The following PAQR5 variants were observed in gnomAD, a reference collection of about 807,000 sequenced individuals.
The protein encoded by PAQR5 is membrane progestin receptor gamma.
Under a neutral mutation model 34.5 loss-of-function variants are expected in PAQR5, and 20 were observed. The ratio of observed to expected loss-of-function variants is 0.58; its 90% confidence interval spans 0.41 to 0.84. The LOEUF (loss-of-function observed/expected upper bound fraction) is 0.84. Ranked by LOEUF, PAQR5 falls within the 40% of genes least tolerant of loss-of-function variation. PAQR5 has a pLI of 0.00. For synonymous variants in PAQR5, 131 were observed against 155.6 expected (o/e 0.84, Z 1.18); for missense variants, 378 against 412.7 (o/e 0.92, Z 0.73).
intron 1 of PAQR5, among the ~76,000 whole-genome samples, chr15:69,324,057 T>A (rs1205077951): frequency 2.0e-5 from 3 of 149,378 alleles, no homozygotes; most frequent in Non-Finnish European, 4.4e-5. Flanking sequence ...TGCTAGGGAA[T>A]ATCATTCAGC....
At chr15:69,336,309 C>T (rs2054514853) in intron 1 of PAQR5, among the ~76,000 whole-genome samples, 1 of 152,064 alleles carries the variant, frequency 6.6e-6, no homozygotes, top group Non-Finnish European at 1.5e-5. Context: ...ATATCAGGTC[C>T]TCTAAAGTCC....
intron 6 of PAQR5, among the ~76,000 whole-genome samples, chr15:69,393,506 C>T (rs930566429): frequency 6.8e-6 from 1 of 148,038 alleles, no homozygotes; most frequent in South Asian, 2.2e-4. Context: ...GAGACAATAC[C>T]CTCTGGGTCC....
At chr15:69,372,973 A>G (rs1402350387) in intron 3 of PAQR5, among the ~76,000 whole-genome samples, 1 of 152,144 alleles carries the variant, frequency 6.6e-6, no homozygotes, top group Non-Finnish European at 1.5e-5. Context: ...CACTGGGTAA[A>G]ATCTAGGCTT....
chr15:69,344,492 T>C (rs2054719312), intron 2 of PAQR5, among the ~76,000 whole-genome samples: 1 of 152,238 alleles, frequency 6.6e-6, no homozygotes, highest in Non-Finnish European at 1.5e-5. Flanking sequence ...GAGTTTATGA[T>C]TTGTCTTTCA....
At chr15:69,379,108 A>T (rs1181107218) in intron 3 of PAQR5, among the ~76,000 whole-genome samples, 2 of 152,226 alleles carry the variant, frequency 1.3e-5, no homozygotes, top group African/African-American at 4.8e-5. Flanking sequence ...TAACCATGGC[A>T]GGAATATAGT....
chr15:69,393,634 G>A (rs1008415435), intron 6 of PAQR5, among the ~76,000 whole-genome samples: 12 of 152,152 alleles, frequency 7.9e-5, no homozygotes, highest in Non-Finnish European at 1.3e-4. Flanking sequence ...CCATCCGGCT[G>A]CAGTTGGGCA....
intron 6 of PAQR5, among the ~76,000 whole-genome samples, chr15:69,394,592 C>G (rs906558299): frequency 6.6e-6 from 1 of 152,240 alleles, no homozygotes; most frequent in East Asian, 1.9e-4. Context: ...TCGACCCTTT[C>G]TTAACGAAGG....
At chr15:69,348,816 C>T (rs768711109) in intron 2 of PAQR5, among the ~76,000 whole-genome samples, 19 of 152,146 alleles carry the variant, frequency 1.2e-4, no homozygotes, top group Non-Finnish European at 2.8e-4. Context: ...TCAGTGAATA[C>T]ACTAGACAAA....
chr15:69,386,069 A>T (rs2056099399), intron 5 of PAQR5, among the ~76,000 whole-genome samples: 1 of 150,930 alleles, frequency 6.6e-6, no homozygotes, highest in Admixed American at 6.6e-5. Context: ...ATACTCTCAG[A>T]CCCTCCACAC....
chr15:69,397,844 T>C, intron 7 of PAQR5: 1 of 467,412 alleles, frequency 2.1e-6, no homozygotes, highest in Admixed American at 3.6e-5. Context: ...CAGTCTGATA[T>C]ATCTTTCTTT....
intron 3 of PAQR5, among the ~76,000 whole-genome samples, chr15:69,366,542 C>T (rs2055407621): frequency 6.6e-6 from 1 of 152,184 alleles, no homozygotes; most frequent in South Asian, 2.1e-4. Context: ...ACTGATTTAA[C>T]TTAATTGATC....
chr15:69,342,922 TC>T (rs1250548741), intron 2 of PAQR5, among the ~76,000 whole-genome samples: 1 of 152,222 alleles, frequency 6.6e-6, no homozygotes, highest in Admixed American at 6.5e-5. Context: ...CAGGAGGCAT[TC>T]AGACCACTCT....
At chr15:69,300,597 C>CTTTCTT (rs2053518942) in intron 1 of PAQR5, among the ~76,000 whole-genome samples, 1 of 21,888 alleles carries the variant, frequency 4.6e-5, no homozygotes, top group Non-Finnish European at 1.3e-4. Flanking sequence ...TTCCTTCTTT[C>CTTTCTT]TTTCTTTCTT....
At chr15:69,378,585 T>TC (rs1182571194) in intron 3 of PAQR5, among the ~76,000 whole-genome samples, 1 of 152,106 alleles carries the variant, frequency 6.6e-6, no homozygotes, top group Non-Finnish European at 1.5e-5. Flanking sequence ...CCTCTAGCCT[T>TC]CCCCTCACAG....
chr15:69,354,367 C>T (rs186973501), intron 2 of PAQR5, among the ~76,000 whole-genome samples: 1 of 152,274 alleles, frequency 6.6e-6, no homozygotes, highest in East Asian at 1.9e-4. Context: ...TATCCTTGTG[C>T]TTCTCTTATT....
intron 1 of PAQR5, among the ~76,000 whole-genome samples, chr15:69,305,589 C>A (rs1045583525): frequency 1.3e-5 from 2 of 151,958 alleles, no homozygotes; most frequent in African/African-American, 4.8e-5. Context: ...CCTTCCAGTG[C>A]GGGGCAGCGT....
intron 6 of PAQR5, among the ~76,000 whole-genome samples, chr15:69,395,999 G>A (rs563564585): frequency 3.3e-4 from 50 of 151,888 alleles, no homozygotes; most frequent in African/African-American, 1.1e-3. Context: ...ATTTGTGCTC[G>A]GTTGCCCTGA....
intron 2 of PAQR5, among the ~76,000 whole-genome samples, chr15:69,346,622 T>A (rs59916840): frequency 1.0e-5 from 1 of 97,072 alleles, no homozygotes; most frequent in African/African-American, 8.0e-5. Flanking sequence ...CCAGCTGCAA[T>A]TTTTTTTTTT....
At chr15:69,327,347 C>G (rs2054278049) in intron 1 of PAQR5, among the ~76,000 whole-genome samples, 1 of 152,120 alleles carries the variant, frequency 6.6e-6, no homozygotes, top group Non-Finnish European at 1.5e-5. Flanking sequence ...TTTCTACGCT[C>G]TTTCATCCTA....
Sources: gnomAD v4.1 joint callset for allele counts (sites outside exome capture counted in the v4.1 genomes callset) on GRCh38, gnomAD v4.1.1 for gene constraint, MANE v1.5 for transcripts, NCBI Gene and HGNC (gene_info 2026-07-23, HGNC 2026-07-21) for gene names.